The following MEAK7 variants were observed in gnomAD, a reference collection of about 807,000 sequenced individuals.
MEAK7 encodes MTOR associated protein MEAK7, also known as MTOR-associated protein MEAK7.
Under a neutral mutation model 40.5 loss-of-function variants are expected in MEAK7, and 68 were observed. That is an observed-to-expected ratio of 1.68 (90% CI 1.38 to 2.06). The LOEUF (loss-of-function observed/expected upper bound fraction) is 2.06. Ranked by LOEUF, MEAK7 falls within the 30% of genes most tolerant of loss-of-function variation. The pLI is 0.00. For missense variants in MEAK7, 918 were observed against 580.5 expected (o/e 1.58, Z -5.98); for synonymous variants, 338 against 231.9 (o/e 1.46, Z -4.16).
chr16:84,497,610 G>C lies in MEAK7; in HGVS notation c.153+324C>G, dbSNP rs1419091203. ...TCTCAAGTTAGAAATGTCCCCAAAT[G>C]TCGTGTGAATCATTCATTATCTACT... On this transcript the variant is annotated intron_variant, in intron 2 of 7. Coordinates refer to ENST00000343629, the MANE Select transcript of MEAK7 (RefSeq NM_020947.4). 14 of 1,336,296 alleles carry C rather than the reference G, an allele frequency of 1.0e-5. 1 individual carries two copies. In the East Asian group the frequency reaches 5.1e-4, roughly 49 times the overall value. The allele number at this position is 1,336,296 out of a possible 1,614,324, so 82.8% of individuals were successfully genotyped here. A position where few individuals can be genotyped will look rare whatever the true frequency, so the allele number is the denominator to read the frequency against.
At chr16:84,482,004 G>A (rs1198681174) in intron 6 of MEAK7, among the ~76,000 whole-genome samples, 1 of 152,200 alleles carries the variant, frequency 6.6e-6, no homozygotes, top group Non-Finnish European at 1.5e-5. Flanking sequence ...GGAGCTGGCA[G>A]GAGCAAGCTG....
chr16:84,480,628 C>A lies in MEAK7; in HGVS notation c.1158G>T (p.Thr386=). ...GCTGCGGGCTGTTGTACGTGGTGCA[C>A]GTGGGCTTGGCTCTGCTGTGTCCTT... ...FGKGHSRAKP[T]CTTYNSPQLS... is the part of the protein sequence containing the mutation. Residue 386 remains threonine (T), a synonymous_variant, in exon 7 of 8, where the codon ACG becomes ACT. Transcript: ENST00000343629. 6.2e-7 allele frequency: 1 copy of A among 1,614,032 alleles called. No individual in the cohort carries two copies. Among genetic ancestry groups the A allele is most frequent in the South Asian group, 1.1e-5 (1 of 91,068 alleles).
In MEAK7 at chr16:84,482,839, C is replaced by T. The variant is rs1912698120; in HGVS notation, c.959-129G>A. On this transcript the variant is annotated intron_variant, in intron 5 of 7. Coordinates refer to ENST00000343629, the MANE Select transcript of MEAK7 (RefSeq NM_020947.4). ...ACCCTTCTCACCCATGTCCAGGTGT[C>T]GGCAGATCAGGGTTTGGGACAAGCT... 1.1e-5 allele frequency: 15 copies of T among 1,415,876 alleles called. 1 individual carries two copies. Among genetic ancestry groups the T allele is most frequent in the South Asian group, 6.8e-5 (5 of 73,028 alleles). 87.7% of individuals were successfully genotyped at this position (1,415,876 alleles called of 1,614,324 possible).
At position 84,503,885 on chromosome 16, in the gene MEAK7, C is replaced by A. The variant is rs964525545; in HGVS notation, c.-26+716G>T. On this transcript the variant is annotated intron_variant, in intron 1 of 7. Transcript: ENST00000343629. ...AGGCTGTTACATGGCTGCTTCCCAC[C>A]CTGGCTGCCAAGCTCCAACTCTCTA... is the stretch of plus-strand genomic sequence containing the variant. 2.5e-5 allele frequency: 24 copies of A among 972,940 alleles called. No individual in the cohort carries two copies. The African/African-American group carries it at 3.0e-4, about 12-fold the overall frequency. 60.3% of individuals were successfully genotyped at this position (972,940 alleles called of 1,614,324 possible).
At chr16:84,504,475 G>C in intron 1 of MEAK7, 126 bp downstream of exon 1, 1 of 536,582 alleles carries the variant, frequency 1.9e-6, no homozygotes, top group Non-Finnish European at 2.4e-6. Flanking sequence ...AGGGCCTGAA[G>C]AGGCGTGGGA....
In MEAK7 at chr16:84,486,676, C is replaced by T. The variant is rs759740022; in HGVS notation, c.913G>A (p.Gly305Ser). Residue 305 changes from glycine (G) to serine (S), a missense_variant, in exon 5 of 8, where the codon GGT becomes AGT. Transcript: ENST00000343629. Reference protein sequence around the residue: ...VLEDHDKHVFGGFASCSWEVK... With the variant: ...VLEDHDKHVFSGFASCSWEVK... ...TCCCAAGAGCAAGAGGCAAACCCAC[C>T]GAACACATGCTTGTCATGGTCCTCG... The T allele has an allele frequency of 2.2e-5, 36 of 1,613,540 alleles. No homozygotes were observed. The highest frequency in any genetic ancestry group is 1.8e-4 in the East Asian group (8 of 44,884).
At chr16:84,489,964 G>C in intron 3 of MEAK7, among the ~76,000 whole-genome samples, 1 of 152,094 alleles carries the variant, frequency 6.6e-6, no homozygotes, top group East Asian at 1.9e-4. Context: ...CTGCAGCCTG[G>C]GCCCCACTCC....
At chr16:84,485,735 T>G (rs1024656283) in intron 5 of MEAK7, among the ~76,000 whole-genome samples, 7 of 152,120 alleles carry the variant, frequency 4.6e-5, no homozygotes, top group Admixed American at 4.6e-4. Flanking sequence ...CAGGCTGGAG[T>G]GCGGTGGTAT....
intron 6 of MEAK7, 96 bp from the exon 7 acceptor site, chr16:84,480,804 C>T: frequency 1.4e-6 from 2 of 1,384,238 alleles, no homozygotes; most frequent in Non-Finnish European, 1.9e-6. Flanking sequence ...TAAGTACCAG[C>T]CTGAGACAGG....
intron 1 of MEAK7, among the ~76,000 whole-genome samples, chr16:84,500,310 T>C (rs8060148): frequency 9.2e-5 from 14 of 152,196 alleles, no homozygotes; most frequent in African/African-American, 3.4e-4. Flanking sequence ...CAATTTCCAG[T>C]GTCGACACCT....
At chr16:84,485,673 C>CCTACCTATCTATCTAT (rs1912982077) in intron 5 of MEAK7, among the ~76,000 whole-genome samples, 10 of 147,746 alleles carry the variant, frequency 6.8e-5, no homozygotes, top group African/African-American at 2.5e-4. Context: ...CATCTATCTA[C>CCTACCTATCTATCTAT]CTATCTATCT....
intron 3 of MEAK7, among the ~76,000 whole-genome samples, chr16:84,492,410 A>G (rs2150638574): frequency 6.6e-6 from 1 of 152,210 alleles, no homozygotes; most frequent in African/African-American, 2.4e-5. Flanking sequence ...GTGGCCTCAT[A>G]CTGTCTTTAT....
chr16:84,498,635 C>T (rs1014807852), intron 1 of MEAK7, among the ~76,000 whole-genome samples: 5 of 151,998 alleles, frequency 3.3e-5, no homozygotes, highest in Admixed American at 2.6e-4. Context: ...AAAAGCCCAT[C>T]GTGACGCCCA....
At chr16:84,501,263 G>A (rs396481) in intron 1 of MEAK7, among the ~76,000 whole-genome samples, 3 of 151,926 alleles carry the variant, frequency 2.0e-5, no homozygotes, top group African/African-American at 7.3e-5. Flanking sequence ...CAGGAAGTGG[G>A]AACAGCACGC....
intron 1 of MEAK7, chr16:84,504,161 G>A (rs1914709670): frequency 2.0e-6 from 2 of 985,488 alleles, no homozygotes; most frequent in Non-Finnish European, 1.2e-6. Context: ...GAAAAGCCCA[G>A]ATGGGTGTGG....
Position 84,486,982 on chromosome 16 carries a change from C to T in MEAK7, c.607G>A (p.Val203Ile), listed in dbSNP as rs1482149968. ...CTCAGGAATATGGCCACATGGGGGA[C>T]CCTGAACACCCAGTCCTCGATCACA... ...RAVIEDWVFR[V>I]PHVAIFLSVV... is the part of the protein sequence containing the mutation. The change falls in exon 5 of 8, where the codon GTC (valine) becomes ATC (isoleucine). Residue 203 changes from valine (V) to isoleucine (I), a missense_variant. Val to Ile is a conservative substitution (Grantham distance 29). Coordinates refer to ENST00000343629, the MANE Select transcript of MEAK7 (RefSeq NM_020947.4). 4.3e-6 allele frequency: 7 copies of T among 1,613,992 alleles called. No individual in the cohort carries two copies. The highest frequency in any genetic ancestry group is 1.6e-4 in the Middle Eastern group (1 of 6,082).
chr16:84,489,147 G>GA, intron 4 of MEAK7, 131 bp downstream of exon 4: 1 of 1,211,140 alleles, frequency 8.3e-7, no homozygotes, highest in Non-Finnish European at 1.1e-6. Flanking sequence ...CAACAAACTA[G>GA]AAAACCTAGA....
At position 84,479,750 on chromosome 16, in the gene MEAK7, A is replaced by G. The variant is rs4993376; in HGVS notation, c.*163T>C. 0.041 allele frequency: 18,272 copies of G among 446,976 alleles called. 2,719 individuals are homozygous for G. The highest frequency in any genetic ancestry group is 0.32 in the African/African-American group (16,003 of 49,574). 27.7% of individuals were successfully genotyped at this position (446,976 alleles called of 1,614,324 possible). ...GGGAGATCCACCCATGAGTCAGGACATGGCTTCAGAGGGCGTCTTCTTGGC... is the reference window on the plus strand; with the variant it reads ...GGGAGATCCACCCATGAGTCAGGACGTGGCTTCAGAGGGCGTCTTCTTGGC... On this transcript the variant is annotated 3_prime_UTR_variant, in exon 8 of 8. Transcript: ENST00000343629.
At position 84,498,035 on chromosome 16, in the gene MEAK7, G is replaced by A; in HGVS notation, c.52C>T (p.Pro18Ser). The A allele has an allele frequency of 1.9e-6, 3 of 1,614,122 alleles. No homozygotes were observed. Among genetic ancestry groups the A allele is most frequent in the South Asian group, 1.1e-5 (1 of 91,068 alleles). Residue 18 changes from proline (P) to serine (S), a missense_variant, in exon 2 of 8, where the codon CCT (proline) becomes TCT (serine). Coordinates refer to ENST00000343629, the MANE Select transcript of MEAK7 (RefSeq NM_020947.4). ...TGATCAATCTCTGCCTGTTCCTCAG[G>A]AAGAAACTGTGAACAAAAGCTCCGC... Reference protein sequence around the residue: ...VGRSFCSQFLPEEQAEIDQLF... With the variant: ...VGRSFCSQFLSEEQAEIDQLF...
Sources: gnomAD v4.1 joint callset for allele counts (sites outside exome capture counted in the v4.1 genomes callset) on GRCh38, gnomAD v4.1.1 for gene constraint, MANE v1.5 for transcripts, NCBI Gene and HGNC (gene_info 2026-07-23, HGNC 2026-07-21) for gene names.